CPA6: variants seen among roughly 807,000 people sequenced by gnomAD.
CPA6 encodes the protein carboxypeptidase A6.
In CPA6, 58 loss-of-function variants were observed where a neutral mutation model predicts 63.3. The observed-to-expected ratio is 0.92, with a 90% CI of 0.74 to 1.14. CPA6 has a LOEUF of 1.14. Among genes scored for constraint, CPA6 ranks in the 50% most tolerant of loss-of-function variants. The probability of loss-of-function intolerance (pLI) is 0.00; values close to 1 mark genes in which losing one functional copy is unlikely to be tolerated. For missense variants in CPA6, 565 were observed against 526.6 expected (o/e 1.07, Z -0.71); for synonymous variants, 185 against 179.0 (o/e 1.03, Z -0.27).
intron 2 of CPA6, among the ~76,000 whole-genome samples, chr8:67,536,766 TC>T (rs1191010275): frequency 6.6e-6 from 1 of 152,196 alleles, no homozygotes; most frequent in African/African-American, 2.4e-5. Flanking sequence ...CATCCTTGTC[TC>T]ATGCCGGTTT....
chr8:67,737,574 G>A (rs1479558801), intron 1 of CPA6, among the ~76,000 whole-genome samples: 1 of 152,084 alleles, frequency 6.6e-6, no homozygotes, highest in African/African-American at 2.4e-5. Context: ...TTTCTCTGGA[G>A]GCACAAGGAT....
chr8:67,575,433 C>T (rs1189131226), intron 2 of CPA6, among the ~76,000 whole-genome samples: 1 of 152,222 alleles, frequency 6.6e-6, no homozygotes, highest in Admixed American at 6.5e-5. Context: ...CATGTCTACA[C>T]TCCTATTCAT....
At chr8:67,475,867 C>CTT (rs755060807) in intron 8 of CPA6, among the ~76,000 whole-genome samples, 1 of 83,252 alleles carries the variant, frequency 1.2e-5, no homozygotes, top group African/African-American at 5.2e-5. Context: ...TTCTTTCTTT[C>CTT]TTTCTTTCTT....
At chr8:67,519,311 GCA>G (rs1295439634) in intron 2 of CPA6, among the ~76,000 whole-genome samples, 1 of 152,102 alleles carries the variant, frequency 6.6e-6, no homozygotes, top group Admixed American at 6.6e-5. Flanking sequence ...TTCTAATTAG[GCA>G]CAGTTTGTCT....
chr8:67,741,600 G>T (rs1476234362), intron 1 of CPA6, among the ~76,000 whole-genome samples: 1 of 152,160 alleles, frequency 6.6e-6, no homozygotes, highest in Non-Finnish European at 1.5e-5. Context: ...TCGATCATCA[G>T]TAGCATTAGA....
intron 1 of CPA6, among the ~76,000 whole-genome samples, chr8:67,658,809 A>G (rs1164707789): frequency 6.6e-6 from 1 of 152,050 alleles, no homozygotes; most frequent in Non-Finnish European, 1.5e-5. Context: ...TCAACCCAAC[A>G]TCTCATCCAT....
At chr8:67,495,222 T>G (rs1233863190) in intron 6 of CPA6, among the ~76,000 whole-genome samples, 1 of 152,176 alleles carries the variant, frequency 6.6e-6, no homozygotes, top group Non-Finnish European at 1.5e-5. Context: ...ACACCACAAA[T>G]CTCTTGGGCA....
chr8:67,665,099 T>C (rs528226052), intron 1 of CPA6, among the ~76,000 whole-genome samples: 1 of 152,340 alleles, frequency 6.6e-6, no homozygotes, highest in Admixed American at 6.5e-5. Flanking sequence ...AAGTTTTCAC[T>C]TTTAAAGGCC....
intron 1 of CPA6, among the ~76,000 whole-genome samples, chr8:67,637,409 A>G (rs1815493552): frequency 1.3e-5 from 2 of 151,686 alleles, no homozygotes; most frequent in African/African-American, 4.9e-5. Context: ...AATTTCTTAT[A>G]ATAAGATATC....
At chr8:67,654,007 T>C (rs1030161378) in intron 1 of CPA6, among the ~76,000 whole-genome samples, 39 of 152,068 alleles carry the variant, frequency 2.6e-4, no homozygotes, top group Non-Finnish European at 4.7e-4. Flanking sequence ...AATCATGTGG[T>C]TTTTGTCTTT....
chr8:67,461,834 C>G (rs888804739), intron 8 of CPA6, among the ~76,000 whole-genome samples: 37 of 152,194 alleles, frequency 2.4e-4, no homozygotes, highest in Non-Finnish European at 4.9e-4. Flanking sequence ...CCCCCACCTC[C>G]CTCCCGGATG....
At chr8:67,543,414 C>T (rs1329098006) in intron 2 of CPA6, among the ~76,000 whole-genome samples, 1 of 152,200 alleles carries the variant, frequency 6.6e-6, no homozygotes, top group Admixed American at 6.5e-5. Flanking sequence ...ACACATAATT[C>T]TTTTTAATAT....
intron 1 of CPA6, among the ~76,000 whole-genome samples, chr8:67,734,477 C>T (rs958677391): frequency 4.2e-5 from 6 of 144,072 alleles, no homozygotes; most frequent in African/African-American, 1.5e-4. Context: ...ATTAAGATTT[C>T]TGTCAGATAT....
At chr8:67,529,921 A>T (rs1812443426) in intron 2 of CPA6, among the ~76,000 whole-genome samples, 1 of 152,198 alleles carries the variant, frequency 6.6e-6, no homozygotes, top group Admixed American at 6.5e-5. Context: ...CTCACCAGAT[A>T]TTCCCTAAAA....
intron 8 of CPA6, among the ~76,000 whole-genome samples, chr8:67,463,052 A>G (rs188083): frequency 2.0e-4 from 30 of 152,322 alleles, no homozygotes; most frequent in African/African-American, 7.2e-4. Context: ...ATCTTTTAAG[A>G]ATTATTCAGC....
chr8:67,615,136 C>T (rs1310934109), intron 2 of CPA6, among the ~76,000 whole-genome samples: 1 of 152,164 alleles, frequency 6.6e-6, no homozygotes, highest in African/African-American at 2.4e-5. Context: ...CCACACTTCT[C>T]AGCAACATTG....
chr8:67,675,481 T>C (rs1187084073), intron 1 of CPA6, among the ~76,000 whole-genome samples: 1 of 152,142 alleles, frequency 6.6e-6, no homozygotes, highest in Non-Finnish European at 1.5e-5. Flanking sequence ...TTCTTACCAC[T>C]CTGGTACCTT....
intron 10 of CPA6, among the ~76,000 whole-genome samples, chr8:67,424,340 T>C (rs577188972): frequency 2.0e-5 from 3 of 152,298 alleles, no homozygotes; most frequent in African/African-American, 7.2e-5. Flanking sequence ...CTGTCTTCCA[T>C]GAAACCGGTC....
intron 1 of CPA6, among the ~76,000 whole-genome samples, chr8:67,683,706 G>C (rs930192917): frequency 8.5e-5 from 13 of 152,082 alleles, no homozygotes; most frequent in Admixed American, 2.6e-4. Context: ...CCCATTTTCA[G>C]TAAGTTTAAG....
Sources: gnomAD v4.1 joint callset for allele counts (sites outside exome capture counted in the v4.1 genomes callset) on GRCh38, gnomAD v4.1.1 for gene constraint, MANE v1.5 for transcripts, NCBI Gene and HGNC (gene_info 2026-07-23, HGNC 2026-07-21) for gene names.